The following KIAA1549L variants were observed in gnomAD, a reference collection of about 807,000 sequenced individuals.
The protein encoded by KIAA1549L is UPF0606 protein KIAA1549L.
A neutral mutation model predicts 160.7 loss-of-function variants in KIAA1549L; 88 were observed. That is an observed-to-expected ratio of 0.55 (90% CI 0.46 to 0.65). The LOEUF is 0.65. Among genes scored for constraint, KIAA1549L ranks in the 30% least tolerant of loss-of-function variants. The pLI is 0.00. For missense variants in KIAA1549L, 2,258 were observed against 2,437.5 expected (o/e 0.93, Z 1.55); for synonymous variants, 950 against 976.7 (o/e 0.97, Z 0.51).
chr11:33,410,115 C>T (rs1850758002), intron 1 of KIAA1549L, among the ~76,000 whole-genome samples: 1 of 151,860 alleles, frequency 6.6e-6, no homozygotes, highest in African/African-American at 2.4e-5. Flanking sequence ...CCATGGGAAT[C>T]ACTGAGACCA....
chr11:33,399,409 T>G (rs1850452444), intron 1 of KIAA1549L, among the ~76,000 whole-genome samples: 1 of 152,234 alleles, frequency 6.6e-6, no homozygotes. Flanking sequence ...GATTCTGTTC[T>G]CATTAATCCC....
At chr11:33,411,681 T>A (rs1164073675) in intron 1 of KIAA1549L, among the ~76,000 whole-genome samples, 1 of 152,224 alleles carries the variant, frequency 6.6e-6, no homozygotes, top group Non-Finnish European at 1.5e-5. Flanking sequence ...GCAAGTTTGA[T>A]GTAGTCTTTC....
intron 8 of KIAA1549L, among the ~76,000 whole-genome samples, chr11:33,566,076 T>C (rs1490205363): frequency 6.6e-6 from 1 of 152,158 alleles, no homozygotes; most frequent in African/African-American, 2.4e-5. Flanking sequence ...TTTTGAACAT[T>C]TTTAAGTGTG....
intron 1 of KIAA1549L, among the ~76,000 whole-genome samples, chr11:33,496,302 A>C (rs985198186): frequency 2.6e-5 from 4 of 152,130 alleles, no homozygotes; most frequent in African/African-American, 4.8e-5. Flanking sequence ...CCCACAGGCA[A>C]ACAACCCTTA....
At chr11:33,497,753 C>T (rs747813735) in intron 1 of KIAA1549L, among the ~76,000 whole-genome samples, 7 of 152,202 alleles carry the variant, frequency 4.6e-5, no homozygotes, top group Non-Finnish European at 8.8e-5. Flanking sequence ...ATTTACTTAA[C>T]CTTTCTTCAG....
At chr11:33,518,885 C>G (rs868567579) in intron 1 of KIAA1549L, among the ~76,000 whole-genome samples, 1 of 152,324 alleles carries the variant, frequency 6.6e-6, no homozygotes, top group Middle Eastern at 3.4e-3. Context: ...TTACATTACA[C>G]TTATCGAGTA....
At position 33,667,869 on chromosome 11, in the gene KIAA1549L, G is replaced by T. The variant is rs1260420842; in HGVS notation, c.6160-4G>T. On this transcript the variant is annotated splice_region_variant and splice_polypyrimidine_tract_variant and intron_variant, in intron 20 of 20. Coordinates refer to ENST00000658780, the MANE Select transcript of KIAA1549L (RefSeq NM_012194.3). ...CTGTCCTTCTCTCCCCACGCCCTCT[G>T]CAGGTGCCCCTCCCAGGGTACATCG... 6.2e-7 allele frequency: 1 copy of T among 1,607,106 alleles called. No individual in the cohort carries two copies. The highest frequency in any genetic ancestry group is 2.2e-5 in the East Asian group (1 of 44,656).
chr11:33,614,531 G>GCCATATATATATATATAT (rs879500574), intron 15 of KIAA1549L, among the ~76,000 whole-genome samples: 1 of 27,104 alleles, frequency 3.7e-5, no homozygotes. Flanking sequence ...AGTGTAACAA[G>GCCATATATATATATATAT]ATATATATAT....
intron 8 of KIAA1549L, among the ~76,000 whole-genome samples, chr11:33,562,927 C>T (rs1418766062): frequency 2.0e-5 from 3 of 151,948 alleles, no homozygotes; most frequent in Non-Finnish European, 2.9e-5. Context: ...CCGATCTGCC[C>T]GCCTTGGCCT....
intron 1 of KIAA1549L, among the ~76,000 whole-genome samples, chr11:33,472,598 C>G (rs1415957791): frequency 6.6e-6 from 1 of 152,134 alleles, no homozygotes; most frequent in Non-Finnish European, 1.5e-5. Flanking sequence ...ACAGCCAGGA[C>G]TTTCTGTTAC....
At chr11:33,395,988 CAGGTTTG>C (rs1850365716) in intron 1 of KIAA1549L, among the ~76,000 whole-genome samples, 1 of 151,992 alleles carries the variant, frequency 6.6e-6, no homozygotes, top group African/African-American at 2.4e-5. Flanking sequence ...TATTTGGGGG[CAGGTTTG>C]AGGTTAACTG....
chr11:33,545,845 T>G (rs1854239947), intron 3 of KIAA1549L, among the ~76,000 whole-genome samples: 1 of 152,224 alleles, frequency 6.6e-6, no homozygotes, highest in Non-Finnish European at 1.5e-5. Flanking sequence ...ATGATGTGGT[T>G]TGTAAGATAC....
rs1850052124 is a variant in KIAA1549L at position 33,591,478 on chromosome 11, A to G, written c.4751+57A>G. On this transcript the variant is annotated intron_variant, in intron 12 of 20. Transcript: ENST00000658780. ...GTCAGCAAGAGAATAATTGATGATG[A>G]GAAAAGCTGATGCCCTCAAGTTAAT... The G allele has an allele frequency of 6.5e-6, 9 of 1,381,208 alleles. No individual in the cohort carries two copies. In the East Asian group the frequency reaches 2.1e-4, roughly 32 times the overall value. The allele number at this position is 1,381,208 out of a possible 1,614,324, so 85.6% of individuals were successfully genotyped here. A position where few individuals can be genotyped will look rare whatever the true frequency, so the allele number is the denominator to read the frequency against.
chr11:33,582,810 T>C (rs1855685675), intron 10 of KIAA1549L, among the ~76,000 whole-genome samples: 1 of 152,224 alleles, frequency 6.6e-6, no homozygotes, highest in South Asian at 2.1e-4. Flanking sequence ...GACCGAGGCA[T>C]TTCCAAGCTC....
chr11:33,533,689 A>G (rs1286976563), intron 1 of KIAA1549L, among the ~76,000 whole-genome samples: 3 of 152,180 alleles, frequency 2.0e-5, no homozygotes, highest in Non-Finnish European at 4.4e-5. Context: ...CTTAGTGAAA[A>G]TGTATGTGTA....
At chr11:33,385,354 A>G (rs1463068982) in intron 1 of KIAA1549L, among the ~76,000 whole-genome samples, 2 of 152,204 alleles carry the variant, frequency 1.3e-5, no homozygotes, top group African/African-American at 2.4e-5. Context: ...CGTCAGCACT[A>G]TTAACATTTT....
chr11:33,614,557 TATATATATATATATATATATATATA>T (rs1564924784), intron 15 of KIAA1549L, among the ~76,000 whole-genome samples: 1 of 15,314 alleles, frequency 6.5e-5, no homozygotes, highest in Non-Finnish European at 1.3e-4. Context: ...TATATATATA[TATATATATATATATATATATATATA>T]TATTTTTTTT....
At chr11:33,459,736 C>T (rs938602373) in intron 1 of KIAA1549L, among the ~76,000 whole-genome samples, 12 of 151,462 alleles carry the variant, frequency 7.9e-5, no homozygotes, top group African/African-American at 1.5e-4. Context: ...CCGAGGCGGG[C>T]GGATCACGAG....
chr11:33,433,145 A>G (rs1851285379), intron 1 of KIAA1549L, among the ~76,000 whole-genome samples: 1 of 152,252 alleles, frequency 6.6e-6, no homozygotes, highest in Middle Eastern at 3.2e-3. Flanking sequence ...CATCAGAGTG[A>G]ATAGGCAACC....
Sources: gnomAD v4.1 joint callset for allele counts (sites outside exome capture counted in the v4.1 genomes callset) on GRCh38, gnomAD v4.1.1 for gene constraint, MANE v1.5 for transcripts, NCBI Gene and HGNC (gene_info 2026-07-23, HGNC 2026-07-21) for gene names.